Variants in MGST1 observed in about 807,000 individuals in gnomAD.
The protein encoded by MGST1 is microsomal glutathione S-transferase 1.
Under a neutral mutation model 8.9 loss-of-function variants are expected in MGST1, and 5 were observed. The ratio of observed to expected loss-of-function variants is 0.56; its 90% CI spans 0.29 to 1.19. MGST1 has a LOEUF of 1.19. Among genes scored for constraint, MGST1 ranks in the 50% most tolerant of loss-of-function variants. The pLI, the probability that MGST1 is intolerant of heterozygous loss-of-function variation, is 0.08. For synonymous variants in MGST1, 54 were observed against 67.8 expected (o/e 0.80, Z 1.00); for missense variants, 182 against 187.4 (o/e 0.97, Z 0.17).
At chr12:16,347,514 G>C (rs2239676), upstream of MGST1, 122,675 of 152,060 alleles carry the variant, frequency 0.81, 50,692 homozygotes, top group Middle Eastern at 0.9. The surrounding 1 kb of genome is among the most constrained non-coding windows in gnomAD (Gnocchi z 4.0). Flanking sequence ...GATGGTTACT[G>C]TGGGCGGGTA....
chr12:16,397,746 T>C (rs1444236896), intron 1 of MGST1, among the ~76,000 whole-genome samples: 1 of 150,524 alleles, frequency 6.6e-6, no homozygotes, highest in Non-Finnish European at 1.5e-5. Flanking sequence ...TTGGGCATTT[T>C]CCTTTACCCT....
At chr12:16,374,245 C>T (rs1018552689) in intron 3 of MGST1, among the ~76,000 whole-genome samples, 2 of 152,020 alleles carry the variant, frequency 1.3e-5, no homozygotes, top group African/African-American at 2.4e-5. Flanking sequence ...CTGATGATGT[C>T]TAACATCTTT....
At chr12:16,397,587 C>A (rs1292029344) in intron 1 of MGST1, among the ~76,000 whole-genome samples, 1 of 151,124 alleles carries the variant, frequency 6.6e-6, no homozygotes, top group Non-Finnish European at 1.5e-5. Flanking sequence ...CAAAAAAAAA[C>A]AAACAACAAA....
chr12:16,574,419 C>T (rs1460917064), intron 4 of MGST1, among the ~76,000 whole-genome samples: 2 of 152,106 alleles, frequency 1.3e-5, no homozygotes, highest in Non-Finnish European at 1.5e-5. Context: ...ATTTGCTGCT[C>T]TCCAACCTAA....
intron 3 of MGST1, among the ~76,000 whole-genome samples, chr12:16,372,855 A>G (rs1940317221): frequency 1.4e-5 from 2 of 140,356 alleles, no homozygotes; most frequent in African/African-American, 5.2e-5. Context: ...TATATGTTAC[A>G]TATATTATGT....
At chr12:16,453,828 A>G (rs1237726312) in intron 4 of MGST1, among the ~76,000 whole-genome samples, 1 of 151,790 alleles carries the variant, frequency 6.6e-6, no homozygotes. Context: ...CCCTCCTTAT[A>G]AGGACATCAG....
At chr12:16,521,479 G>A (rs1399004796) in intron 4 of MGST1, among the ~76,000 whole-genome samples, 2 of 152,032 alleles carry the variant, frequency 1.3e-5, no homozygotes, top group Non-Finnish European at 1.5e-5. Context: ...AGACAAGCAG[G>A]AAAAGCTGAA....
At chr12:16,568,295 T>C (rs2137409253) in intron 4 of MGST1, among the ~76,000 whole-genome samples, 1 of 152,282 alleles carries the variant, frequency 6.6e-6, no homozygotes, top group East Asian at 1.9e-4. Flanking sequence ...AGTTTGAAGG[T>C]TGTGATTCAA....
chr12:16,485,517 G>A (rs545401113), intron 4 of MGST1, among the ~76,000 whole-genome samples: 15 of 152,192 alleles, frequency 9.9e-5, no homozygotes, highest in Non-Finnish European at 1.5e-4. Flanking sequence ...TTACTTTACC[G>A]AATTTGAGGA....
At chr12:16,557,649 G>A (rs750091431) in intron 4 of MGST1, among the ~76,000 whole-genome samples, 1 of 152,074 alleles carries the variant, frequency 6.6e-6, no homozygotes, top group Non-Finnish European at 1.5e-5. Context: ...GGAAAGTCAA[G>A]TTAGTGGACT....
intron 4 of MGST1, among the ~76,000 whole-genome samples, chr12:16,542,149 G>A (rs1335212454): frequency 6.6e-6 from 1 of 152,116 alleles, no homozygotes; most frequent in African/African-American, 2.4e-5. Flanking sequence ...CCTACATCTG[G>A]AAAGATTCAT....
intron 4 of MGST1, among the ~76,000 whole-genome samples, chr12:16,520,027 TAAGAGGTCTA>T (rs1941638693): frequency 6.6e-6 from 1 of 152,230 alleles, no homozygotes; most frequent in East Asian, 1.9e-4. Flanking sequence ...ACGATAAAAG[TAAGAGGTCTA>T]TTTCACCCAT....
intron 4 of MGST1, among the ~76,000 whole-genome samples, chr12:16,450,313 T>C (rs1461296268): frequency 4.6e-5 from 7 of 151,932 alleles, no homozygotes; most frequent in Admixed American, 4.6e-4. Context: ...TATGTTTCCC[T>C]GAGTGCCTGC....
chr12:16,425,186 C>T (rs1940875230), intron 1 of MGST1, among the ~76,000 whole-genome samples: 1 of 152,038 alleles, frequency 6.6e-6, no homozygotes, highest in South Asian at 2.1e-4. Context: ...ACTTTATCTA[C>T]TTAAGGACAG....
intron 1 of MGST1, among the ~76,000 whole-genome samples, chr12:16,432,993 A>T (rs148507541): frequency 1.3e-5 from 2 of 152,140 alleles, no homozygotes; most frequent in East Asian, 3.9e-4. Flanking sequence ...GACAGAATTA[A>T]TAGGATAGAT....
At chr12:16,506,287 G>T (rs751291858) in intron 4 of MGST1, among the ~76,000 whole-genome samples, 20 of 152,146 alleles carry the variant, frequency 1.3e-4, no homozygotes, top group Non-Finnish European at 2.6e-4. Flanking sequence ...ACACACAGTG[G>T]TTTGTAGTAC....
intron 4 of MGST1, among the ~76,000 whole-genome samples, chr12:16,551,533 T>G (rs1452443883): frequency 6.6e-6 from 1 of 151,854 alleles, no homozygotes; most frequent in South Asian, 2.1e-4. Flanking sequence ...AAATCTTGCC[T>G]TTGCATGCAA....
chr12:16,408,645 G>C (rs1940716251), intron 1 of MGST1, among the ~76,000 whole-genome samples: 1 of 151,932 alleles, frequency 6.6e-6, no homozygotes, highest in Non-Finnish European at 1.5e-5. Flanking sequence ...TTTTACATTT[G>C]TTGAGATTTT....
chr12:16,536,635 T>G (rs931139594), intron 4 of MGST1, among the ~76,000 whole-genome samples: 1 of 152,116 alleles, frequency 6.6e-6, no homozygotes, highest in Non-Finnish European at 1.5e-5. Context: ...GGACTTACAG[T>G]TCCATATGGC....
Sources: allele counts gnomAD v4.1 joint callset (sites outside exome capture counted in the v4.1 genomes callset), GRCh38; gene constraint gnomAD v4.1.1; non-coding constraint Gnocchi (gnomAD v3.1); transcripts MANE v1.5; gene names NCBI Gene and HGNC (gene_info 2026-07-23, HGNC 2026-07-21).